The following SPATS2L variants were observed in gnomAD, a reference collection of about 807,000 sequenced individuals.
SPATS2L encodes the protein spermatogenesis associated serine rich 2 like, also known as SPATS2-like protein.
Under a neutral mutation model 59.6 loss-of-function variants are expected in SPATS2L, and 30 were observed. That is an observed-to-expected ratio of 0.50 (90% CI 0.38 to 0.68). The LOEUF (loss-of-function observed/expected upper bound fraction) is 0.68, where lower values mean the gene tolerates loss of function less well. Ranked by LOEUF, SPATS2L falls within the 30% of genes least tolerant of loss-of-function variation. SPATS2L has a pLI of 0.00. For missense variants in SPATS2L, 615 were observed against 700.0 expected (o/e 0.88, Z 1.37); for synonymous variants, 252 against 263.5 (o/e 0.96, Z 0.42).
chr2:200,379,030 G>T (rs1233267759), intron 2 of SPATS2L, among the ~76,000 whole-genome samples: 1 of 152,182 alleles, frequency 6.6e-6, no homozygotes, highest in African/African-American at 2.4e-5. Context: ...CACAGCCCCA[G>T]TGTTGCTGTG....
chr2:200,396,068 T>A (rs10439265), intron 3 of SPATS2L, among the ~76,000 whole-genome samples: 5,897 of 23,422 alleles, frequency 0.25, 854 homozygotes, highest in Middle Eastern at 0.33. Flanking sequence ...ATATATATAT[T>A]TTCCCATAGA....
At chr2:200,456,113 A>G (rs1205270144) in intron 8 of SPATS2L, among the ~76,000 whole-genome samples, 2 of 152,100 alleles carry the variant, frequency 1.3e-5, no homozygotes, top group Non-Finnish European at 2.9e-5. Context: ...GCAAAACTCA[A>G]GGAACTCTCA....
chr2:200,422,974 ACACT>A (rs565532306), intron 6 of SPATS2L, among the ~76,000 whole-genome samples: 169 of 152,316 alleles, frequency 1.1e-3, no homozygotes, highest in African/African-American at 3.8e-3. Flanking sequence ...AGATGCGATG[ACACT>A]CACTCTGATC....
At chr2:200,323,528 A>G (rs2079632933) in intron 1 of SPATS2L, among the ~76,000 whole-genome samples, 1 of 152,220 alleles carries the variant, frequency 6.6e-6, no homozygotes, top group South Asian at 2.1e-4. Context: ...ACCTCACCAG[A>G]CCCTTCTAAC....
At chr2:200,477,027 C>A (rs998019112) in intron 12 of SPATS2L, among the ~76,000 whole-genome samples, 1 of 152,206 alleles carries the variant, frequency 6.6e-6, no homozygotes. Context: ...CTGCAGTCTC[C>A]GACGTGCAGC....
chr2:200,472,851 CTATTCCTCA>C lies in SPATS2L; in HGVS notation c.1081_1089del (p.Tyr361_Ser363del). 1 of 1,613,988 alleles carries C rather than the reference CTATTCCTCA, an allele frequency of 6.2e-7. No individual in the cohort carries two copies. The highest frequency in any genetic ancestry group is 8.5e-7 in the Non-Finnish European group (1 of 1,179,876). On this transcript the variant is annotated inframe_deletion, in exon 12 of 13. Transcript: ENST00000409140. ...TTGCAGTTACACATCCAAAGAACAA[CTATTCCTCA>C]AGAACTCCCTGCAGCTCCCTGCTGC... is the stretch of plus-strand genomic sequence containing the variant.
intron 8 of SPATS2L, among the ~76,000 whole-genome samples, chr2:200,446,366 C>T (rs2085043187): frequency 6.6e-6 from 1 of 152,182 alleles, no homozygotes; most frequent in Admixed American, 6.5e-5. Context: ...ATTCTCTTGA[C>T]ATCTGTGGTT....
intron 2 of SPATS2L, among the ~76,000 whole-genome samples, chr2:200,333,578 T>C (rs1291563561): frequency 6.6e-6 from 1 of 152,230 alleles, no homozygotes; most frequent in South Asian, 2.1e-4. Flanking sequence ...TGTATACATG[T>C]GCCATGTTGG....
chr2:200,343,940 A>G (rs1025906706), intron 2 of SPATS2L, among the ~76,000 whole-genome samples: 14 of 152,088 alleles, frequency 9.2e-5, no homozygotes, highest in Non-Finnish European at 1.5e-4. Context: ...TCTGAGTGGT[A>G]AGGTTTGGGG....
intron 1 of SPATS2L, among the ~76,000 whole-genome samples, chr2:200,316,556 A>G (rs901878245): frequency 1.3e-5 from 2 of 152,192 alleles, no homozygotes; most frequent in South Asian, 4.1e-4. Flanking sequence ...CGGACCAACC[A>G]TGCAGTTTGC....
intron 2 of SPATS2L, among the ~76,000 whole-genome samples, chr2:200,332,115 A>T (rs574748770): frequency 6.6e-6 from 1 of 152,054 alleles, no homozygotes; most frequent in East Asian, 1.9e-4. Context: ...CCTCATTAAG[A>T]GGAAAAATTT....
chr2:200,362,969 C>T (rs2081155653), intron 2 of SPATS2L, among the ~76,000 whole-genome samples: 1 of 152,092 alleles, frequency 6.6e-6, no homozygotes, highest in East Asian at 1.9e-4. Flanking sequence ...AATAAATTTT[C>T]TAGGTACAAT....
At position 200,378,092 on chromosome 2, in the gene SPATS2L, A is replaced by G. The variant is rs1206200162; in HGVS notation, c.-22-11131A>G. 3 of 327,980 alleles carry G rather than the reference A, an allele frequency of 9.1e-6. No individual in the cohort carries two copies. The South Asian group carries it at 3.6e-4, about 40-fold the overall frequency. The allele number at this position is 327,980 out of a possible 1,614,324, so 20.3% of individuals were successfully genotyped here. On this transcript the variant is annotated intron_variant, in intron 2 of 12. Transcript: ENST00000409140. ...AGGCAAAAACACTGGGCAGTTTCAC[A>G]AAAAGGGAACAAGTAGTCTCTCTGA...
intron 8 of SPATS2L, among the ~76,000 whole-genome samples, chr2:200,443,817 T>A (rs3754791): frequency 0.4 from 60,258 of 152,012 alleles, 11,999 homozygotes; most frequent in Middle Eastern, 0.49. Flanking sequence ...ATATCCTCAA[T>A]ACCAAGCAAG....
At chr2:200,403,742 A>G (rs1290894067) in intron 3 of SPATS2L, among the ~76,000 whole-genome samples, 1 of 152,132 alleles carries the variant, frequency 6.6e-6, no homozygotes. Flanking sequence ...GCTTGTTGAG[A>G]ATTGCTGGGG....
At chr2:200,394,251 C>T (rs2082261694) in intron 3 of SPATS2L, among the ~76,000 whole-genome samples, 1 of 152,182 alleles carries the variant, frequency 6.6e-6, no homozygotes, top group African/African-American at 2.4e-5. Flanking sequence ...TGCCGCATCT[C>T]CACGCATCTC....
chr2:200,463,268 A>T (rs2086369486), intron 9 of SPATS2L: 1 of 152,170 alleles, frequency 6.6e-6, no homozygotes, highest in Admixed American at 6.5e-5. Flanking sequence ...AGTATTTTTC[A>T]CACTTTACAT....
At chr2:200,460,678 G>C (rs1040060772) in intron 9 of SPATS2L, among the ~76,000 whole-genome samples, 1 of 151,410 alleles carries the variant, frequency 6.6e-6, no homozygotes, top group Non-Finnish European at 1.5e-5. Context: ...GTGAACCCGG[G>C]AGGCAGAGCT....
intron 6 of SPATS2L, among the ~76,000 whole-genome samples, chr2:200,438,313 C>G (rs1250885160): frequency 8.2e-6 from 1 of 121,554 alleles, no homozygotes. Flanking sequence ...CTACAAGAAC[C>G]TGGCCTTCAA....
Sources: allele counts gnomAD v4.1 joint callset (sites outside exome capture counted in the v4.1 genomes callset), GRCh38; gene constraint gnomAD v4.1.1; transcripts MANE v1.5; gene names NCBI Gene and HGNC (gene_info 2026-07-23, HGNC 2026-07-21).